Variants in NPAS1 observed in about 807,000 individuals in gnomAD.
The protein encoded by NPAS1 is neuronal PAS domain-containing protein 1.
A neutral mutation model predicts 49.2 loss-of-function variants in NPAS1; 29 were observed. That is an observed-to-expected ratio of 0.59 (90% confidence interval 0.44 to 0.80). The LOEUF (loss-of-function observed/expected upper bound fraction) is 0.80. NPAS1 is among the 30% of genes least tolerant of loss of function. The pLI, the probability that NPAS1 is intolerant of heterozygous loss-of-function variation, is 0.00. For missense variants in NPAS1, 825 were observed against 835.5 expected (o/e 0.99, Z 0.15); for synonymous variants, 408 against 380.4 (o/e 1.07, Z -0.84).
At chr19:47,033,628 C>T (rs991674908) in intron 5 of NPAS1, among the ~76,000 whole-genome samples, 1 of 152,084 alleles carries the variant, frequency 6.6e-6, no homozygotes, top group South Asian at 2.1e-4. Context: ...GCCAGATGCA[C>T]CATATTTGCC....
At chr19:47,032,180 T>G in intron 3 of NPAS1, 98 bp from the exon 4 acceptor site, 2 of 1,113,182 alleles carry the variant, frequency 1.8e-6, no homozygotes, top group Non-Finnish European at 2.7e-6. Context: ...TCTACAAGCC[T>G]TAGGGGAAGA....
intron 9 of NPAS1, 122 bp from the exon 10 acceptor site, chr19:47,040,856 C>T: frequency 2.5e-6 from 2 of 809,094 alleles, no homozygotes; most frequent in Non-Finnish European, 3.8e-6. Flanking sequence ...TCTCTTCTCC[C>T]CACCGTCTCC....
In NPAS1 at chr19:47,021,864, G is replaced by T; in HGVS notation, c.358+17G>T. 1 of 1,414,874 alleles carries T rather than the reference G, an allele frequency of 7.1e-7. No homozygotes were observed. Among genetic ancestry groups the T allele is most frequent in the Non-Finnish European group, 9.2e-7 (1 of 1,084,472 alleles). The allele number at this position is 1,414,874 out of a possible 1,614,324, so 87.6% of individuals were successfully genotyped here. ...CTGGCCTCGGTGAGTGCTCATGCGC[G>T]GGGCGAGGGTCCCGGGGCCCTCCAG... On this transcript the variant is annotated intron_variant, in intron 3 of 11. Coordinates refer to ENST00000602212, the MANE Select transcript of NPAS1 (RefSeq NM_002517.4). The surrounding 1 kb of genome is among the most constrained non-coding windows in gnomAD (Gnocchi z 5.7).
At chr19:47,040,743 G>T (rs1599920379) in intron 9 of NPAS1, 193 bp downstream of exon 9, 11 of 596,820 alleles carry the variant, frequency 1.8e-5, no homozygotes, top group Admixed American at 6.1e-5. Flanking sequence ...GTGTGTGGGG[G>T]GGGGGTCTGG....
intron 3 of NPAS1, among the ~76,000 whole-genome samples, chr19:47,029,445 G>C (rs897268105): frequency 6.6e-6 from 1 of 151,458 alleles, no homozygotes; most frequent in Non-Finnish European, 1.5e-5. Context: ...TGTTGCCCAG[G>C]CTGGAGTGCA....
chr19:47,041,205 G>A (rs2057018203), intron 10 of NPAS1, 80 bp downstream of exon 10: 1 of 1,375,784 alleles, frequency 7.3e-7, no homozygotes. Context: ...GTGCTTTGGG[G>A]AGGGCTTCTA....
chr19:47,032,852 T>C, intron 5 of NPAS1, 120 bp downstream of exon 5: 1 of 731,032 alleles, frequency 1.4e-6, no homozygotes, highest in East Asian at 2.7e-5. Flanking sequence ...TGGATCTCTG[T>C]GGTCCCCAAA....
chr19:47,036,893 C>T (rs551644330), intron 6 of NPAS1, among the ~76,000 whole-genome samples: 6 of 151,276 alleles, frequency 4.0e-5, no homozygotes, highest in Non-Finnish European at 7.4e-5. Context: ...AAAACAACAA[C>T]AACAAAAGAA....
At position 47,045,518 on chromosome 19, in the gene NPAS1, C is replaced by G. The variant is rs2122572439; in HGVS notation, c.1640C>G (p.Ala547Gly). ...CTPGTIRYGP[A>G]ELGLVYPHLQ... ...CCCGGCACCATCCGCTACGGCCCCG[C>G]GGAGCTGGGCCTGGTGTACCCGCAC... The change falls in exon 12 of 12, where the codon GCG becomes GGG. Residue 547 changes from alanine to glycine, a missense_variant. Physicochemically the swap from Ala to Gly is moderately conservative, Grantham distance 60. Transcript: ENST00000602212. 1 of 1,536,486 alleles carries G rather than the reference C, an allele frequency of 6.5e-7. No homozygotes were observed. The highest frequency in any genetic ancestry group is 1.2e-5 in the South Asian group (1 of 84,388).
In NPAS1 at chr19:47,045,528, C is replaced by T. The variant is rs1487704349; in HGVS notation, c.1650C>T (p.Gly550=). The T allele has an allele frequency of 1.3e-6, 2 of 1,531,198 alleles. No individual in the cohort carries two copies. Among genetic ancestry groups the T allele is most frequent in the Non-Finnish European group, 1.7e-6 (2 of 1,145,636 alleles). 94.9% of individuals were successfully genotyped at this position (1,531,198 alleles called of 1,614,324 possible). A position where few individuals can be genotyped will look rare whatever the true frequency, so the allele number is the denominator to read the frequency against. ...TCCGCTACGGCCCCGCGGAGCTGGGCCTGGTGTACCCGCACCTGCAGAGGC... is the reference window on the plus strand; with the variant it reads ...TCCGCTACGGCCCCGCGGAGCTGGGTCTGGTGTACCCGCACCTGCAGAGGC... ...GTIRYGPAEL[G]LVYPHLQRLG... Residue 550 remains glycine (G), a synonymous_variant, in exon 12 of 12, where the codon GGC becomes GGT. Transcript: ENST00000602212.
At chr19:47,039,295 G>C (rs2056993359) in intron 7 of NPAS1, 112 bp from the exon 8 acceptor site, 2 of 1,505,752 alleles carry the variant, frequency 1.3e-6, no homozygotes, top group Non-Finnish European at 9.1e-7. Context: ...GGGTCACACA[G>C]TGTCCAGTCC....
At chr19:47,020,592 G>C (rs1279178998) in intron 1 of NPAS1, among the ~76,000 whole-genome samples, 1 of 151,914 alleles carries the variant, frequency 6.6e-6, no homozygotes, top group African/African-American at 2.4e-5. Flanking sequence ...GGCTTGGGGG[G>C]CGGGTCCTCG....
Position 47,040,528 on chromosome 19 carries a change from G to A in NPAS1, c.1047G>A (p.Arg349=). 1 of 1,593,480 alleles carries A rather than the reference G, an allele frequency of 6.3e-7. No individual in the cohort carries two copies. Among genetic ancestry groups the A allele is most frequent in the Non-Finnish European group, 8.5e-7 (1 of 1,170,580 alleles). The change falls in exon 9 of 12, where the codon AGG becomes AGA. Residue 349 remains arginine (R), a synonymous_variant. Coordinates refer to ENST00000602212, the MANE Select transcript of NPAS1 (RefSeq NM_002517.4). The part of the protein sequence containing the change: ...YQFVHGQDAT[R]IRQSHVDLLD... ...TTGTCCACGGACAGGACGCCACGAGGATCCGCCAGAGCCACGTGGACTGTG... is the reference window on the plus strand; with the variant it reads ...TTGTCCACGGACAGGACGCCACGAGAATCCGCCAGAGCCACGTGGACTGTG...
intron 6 of NPAS1, among the ~76,000 whole-genome samples, chr19:47,038,617 A>C (rs974768899): frequency 3.4e-4 from 51 of 152,188 alleles, no homozygotes; most frequent in African/African-American, 1.2e-3. Flanking sequence ...CCTTGAAGTC[A>C]GGAGTTCAAA....
At chr19:47,045,065 CAAA>C (rs377046432) in intron 11 of NPAS1, 123 bp from the exon 12 acceptor site, 4 of 883,490 alleles carry the variant, frequency 4.5e-6, no homozygotes, top group Non-Finnish European at 6.8e-6. Context: ...AACAAACAAA[CAAA>C]AAAAAAAACC....
In NPAS1 at chr19:47,045,300, C is replaced by T. The variant is rs1050742; in HGVS notation, c.1422C>T (p.Gly474=). 2 of 1,614,080 alleles carry T rather than the reference C, an allele frequency of 1.2e-6. No individual in the cohort carries two copies. Among genetic ancestry groups the T allele is most frequent in the Non-Finnish European group, 1.7e-6 (2 of 1,180,026 alleles). Residue 474 remains glycine (G), a synonymous_variant, in exon 12 of 12, where the codon GGC becomes GGT. Transcript: ENST00000602212. The part of the protein sequence containing the change: ...KVEPGPRETK[G]SEDSGDEDPS... ...AGCCCGGCCCGAGGGAAACCAAAGG[C>T]TCCGAGGACAGTGGCGACGAGGATC...
chr19:47,045,303 C>A lies in NPAS1; in HGVS notation c.1425C>A (p.Ser475=). 6.2e-7 allele frequency: 1 copy of A among 1,614,056 alleles called. No individual in the cohort carries two copies. Among genetic ancestry groups the A allele is most frequent in the Non-Finnish European group, 8.5e-7 (1 of 1,180,022 alleles). ...VEPGPRETKG[S]EDSGDEDPSS... is the part of the protein sequence containing the mutation. ...CCGGCCCGAGGGAAACCAAAGGCTC[C>A]GAGGACAGTGGCGACGAGGATCCCT... The change falls in exon 12 of 12, where the codon TCC becomes TCA. Residue 475 remains serine (S), a synonymous_variant. Transcript: ENST00000602212.
chr19:47,040,972 G>T lies in NPAS1; in HGVS notation c.1070-6G>T. 1 of 1,470,728 alleles carries T rather than the reference G, an allele frequency of 6.8e-7. No individual in the cohort carries two copies. Among genetic ancestry groups the T allele is most frequent in the African/African-American group, 1.4e-5 (1 of 71,134 alleles). 91.1% of individuals were successfully genotyped at this position (1,470,728 alleles called of 1,614,324 possible). ...CCCTTCCCATCTCTCCCTGGGCTGGGCCCAGTGCTGGACAAGGGTCAGGTG... is the reference window on the plus strand; with the variant it reads ...CCCTTCCCATCTCTCCCTGGGCTGGTCCCAGTGCTGGACAAGGGTCAGGTG... On this transcript the variant is annotated splice_region_variant and splice_polypyrimidine_tract_variant and intron_variant, in intron 9 of 11. Coordinates refer to ENST00000602212, the MANE Select transcript of NPAS1 (RefSeq NM_002517.4).
chr19:47,021,207 C>A lies in NPAS1; in HGVS notation c.122+38C>A, dbSNP rs754282084. Reference sequence around the variant, plus strand: ...CCGCCCCCCTGGCCGCGGGCCCCCCCCCGGGTCCAATTCACACCCGATGTT... The same window carrying A: ...CCGCCCCCCTGGCCGCGGGCCCCCCACCGGGTCCAATTCACACCCGATGTT... On this transcript the variant is annotated intron_variant, in intron 2 of 11. Coordinates refer to ENST00000602212, the MANE Select transcript of NPAS1 (RefSeq NM_002517.4). This position sits in a 1 kb window ranked among gnomAD's most constrained non-coding sequence, Gnocchi z 5.7. The A allele has an allele frequency of 1.3e-4, 188 of 1,484,342 alleles. No individual in the cohort carries two copies. Among genetic ancestry groups the A allele is most frequent in the Admixed American group, 7.1e-4 (31 of 43,406 alleles). 91.9% of individuals were successfully genotyped at this position (1,484,342 alleles called of 1,614,324 possible).
Sources: allele counts gnomAD v4.1 joint callset (sites outside exome capture counted in the v4.1 genomes callset), GRCh38; gene constraint gnomAD v4.1.1; non-coding constraint Gnocchi (gnomAD v3.1); transcripts MANE v1.5; gene names NCBI Gene and HGNC (gene_info 2026-07-23, HGNC 2026-07-21).